CAND2: variants seen among roughly 807,000 people sequenced by gnomAD.
CAND2 encodes the protein cullin associated and neddylation dissociated 2 (putative).
CAND2 carries 62 observed loss-of-function variants against 98.9 expected under a neutral mutation model. The ratio of observed to expected loss-of-function variants is 0.63; its 90% confidence interval spans 0.51 to 0.77. CAND2 has a LOEUF of 0.77. Ranked by LOEUF, CAND2 falls within the 30% of genes least tolerant of loss-of-function variation. The pLI, the probability that CAND2 is intolerant of heterozygous loss-of-function variation, is 0.00. For missense variants in CAND2, 1,501 were observed against 1,655.2 expected (o/e 0.91, Z 1.62); for synonymous variants, 770 against 731.9 (o/e 1.05, Z -0.84).
intron 2 of CAND2, 26 bp from the exon 3 acceptor site, chr3:12,807,280 G>A (rs755375470): frequency 2.8e-5 from 43 of 1,547,458 alleles, no homozygotes; most frequent in African/African-American, 4.1e-5. Context: ...TGTGCCCTTG[G>A]ATTCACCTTC....
chr3:12,806,819 C>T (rs1398722602), intron 2 of CAND2, among the ~76,000 whole-genome samples: 3 of 152,176 alleles, frequency 2.0e-5, no homozygotes, highest in Non-Finnish European at 4.4e-5. Context: ...AGTGGCATTG[C>T]CAATGCTAAC....
At chr3:12,813,938 A>G (rs1255193649) in intron 7 of CAND2, among the ~76,000 whole-genome samples, 1 of 152,224 alleles carries the variant, frequency 6.6e-6, no homozygotes, top group Non-Finnish European at 1.5e-5. Flanking sequence ...CAGGGCAGAG[A>G]TGCCCCTAGG....
At chr3:12,798,782 A>G (rs532307699) in intron 1 of CAND2, among the ~76,000 whole-genome samples, 8 of 152,268 alleles carry the variant, frequency 5.3e-5, no homozygotes, top group African/African-American at 1.4e-4. Flanking sequence ...AATGGTGTCT[A>G]TTTTTAAAGT....
intron 10 of CAND2, among the ~76,000 whole-genome samples, chr3:12,819,489 A>G (rs906671): frequency 0.49 from 74,598 of 151,976 alleles, 18,987 homozygotes; most frequent in East Asian, 0.83. Flanking sequence ...TTCTCTACTC[A>G]GAAAGCAAGC....
At chr3:12,832,952 G>A (rs1001797380) in intron 14 of CAND2, among the ~76,000 whole-genome samples, 3 of 152,226 alleles carry the variant, frequency 2.0e-5, no homozygotes, top group South Asian at 4.1e-4. Context: ...AGAGAAGGGA[G>A]TGTGGACTTG....
chr3:12,802,988 CTTTT>C (rs34041335), intron 1 of CAND2, among the ~76,000 whole-genome samples: 2 of 127,358 alleles, frequency 1.6e-5, no homozygotes, highest in Admixed American at 1.7e-4. Context: ...CCATTAAAAT[CTTTT>C]TTTTTTTTTT....
intron 1 of CAND2, among the ~76,000 whole-genome samples, chr3:12,802,357 G>A (rs1356225542): frequency 2.6e-5 from 4 of 152,146 alleles, no homozygotes; most frequent in Non-Finnish European, 4.4e-5. Context: ...ACAACCTTCT[G>A]GCATCACTTT....
At chr3:12,831,339 G>GAC in intron 13 of CAND2, 126 bp from the exon 14 acceptor site, 2 of 725,774 alleles carry the variant, frequency 2.8e-6, no homozygotes, top group South Asian at 3.1e-5. Flanking sequence ...GACTCTGGCA[G>GAC]GACTTCACGG....
chr3:12,829,289 A>C (rs2062030960), intron 13 of CAND2, among the ~76,000 whole-genome samples: 1 of 152,046 alleles, frequency 6.6e-6, no homozygotes. Flanking sequence ...GGGATTACAG[A>C]TGTGCACCAC....
intron 14 of CAND2, chr3:12,832,607 C>CT (rs767881256): frequency 8.5e-5 from 13 of 152,238 alleles, no homozygotes; most frequent in Non-Finnish European, 1.5e-4. Flanking sequence ...CTACCAAGCT[C>CT]TGACAACCAA....
intron 14 of CAND2, among the ~76,000 whole-genome samples, chr3:12,833,184 T>C (rs1402116524): frequency 6.6e-6 from 1 of 152,102 alleles, no homozygotes; most frequent in Non-Finnish European, 1.5e-5. Flanking sequence ...CCATAAGCAG[T>C]GGAGGAATTA....
chr3:12,816,249 T>C, intron 9 of CAND2, 125 bp from the exon 10 acceptor site: 1 of 1,027,414 alleles, frequency 9.7e-7, no homozygotes, highest in Non-Finnish European at 1.4e-6. Flanking sequence ...TCTTGGAAAC[T>C]TCTGCAGAAG....
At chr3:12,798,744 A>G (rs1303235364) in intron 1 of CAND2, among the ~76,000 whole-genome samples, 2 of 152,188 alleles carry the variant, frequency 1.3e-5, no homozygotes, top group Non-Finnish European at 2.9e-5. Flanking sequence ...GGCCTGGAGA[A>G]CACTTAAAAC....
At chr3:12,797,781 G>C (rs1033639587) in intron 1 of CAND2, among the ~76,000 whole-genome samples, 4 of 152,002 alleles carry the variant, frequency 2.6e-5, no homozygotes, top group Non-Finnish European at 4.4e-5. Flanking sequence ...TCACAGCGAG[G>C]AAGTGGGAGA....
chr3:12,804,105 A>G (rs1319874126), intron 2 of CAND2, among the ~76,000 whole-genome samples: 4 of 152,132 alleles, frequency 2.6e-5, no homozygotes, highest in Non-Finnish European at 5.9e-5. Flanking sequence ...AGCCAGAGAA[A>G]GCCCTCAGAC....
intron 1 of CAND2, among the ~76,000 whole-genome samples, chr3:12,802,861 C>T (rs958561259): frequency 6.6e-6 from 1 of 152,148 alleles, no homozygotes; most frequent in African/African-American, 2.4e-5. Flanking sequence ...GGCTACAAAC[C>T]TGTATTGAGT....
chr3:12,813,062 C>T lies in CAND2; in HGVS notation c.830C>T (p.Ser277Phe), dbSNP rs753336141. Reference sequence around the variant, plus strand: ...CTGGATGATGATGAGCTCCGGGAGTCCTGCCTCCAGGCTTTTGAGGCCTTC... The same window carrying T: ...CTGGATGATGATGAGCTCCGGGAGTTCTGCCTCCAGGCTTTTGAGGCCTTC... Reference protein sequence around the residue: ...CNLDDDELRESCLQAFEAFLR... With the variant: ...CNLDDDELREFCLQAFEAFLR... Residue 277 changes from serine (S) to phenylalanine (F), a missense_variant, in exon 6 of 15, where the codon TCC becomes TTC. Around this residue, in one of 3 missense-constraint regions of CAND2, gnomAD observed 1,427 missense variants for 1,545.3 expected, o/e 0.92. Coordinates refer to ENST00000456430, the MANE Select transcript of CAND2 (RefSeq NM_001162499.2). 3.8e-5 allele frequency: 60 copies of T among 1,582,562 alleles called. No homozygotes were observed. The highest frequency in any genetic ancestry group is 1.9e-4 in the South Asian group (16 of 86,422).
intron 4 of CAND2, among the ~76,000 whole-genome samples, chr3:12,809,713 C>T (rs1482963791): frequency 6.6e-6 from 1 of 151,866 alleles, no homozygotes. Flanking sequence ...CTGGTCTCAG[C>T]GAGGAGGATG....
intron 13 of CAND2, among the ~76,000 whole-genome samples, chr3:12,830,805 C>T (rs1252603595): frequency 1.3e-5 from 2 of 152,190 alleles, no homozygotes; most frequent in South Asian, 2.1e-4. Flanking sequence ...AGTCCAGCAC[C>T]GCTGCTCCTT....
Sources: gnomAD v4.1 joint callset for allele counts (sites outside exome capture counted in the v4.1 genomes callset) on GRCh38, gnomAD v4.1.1 for gene constraint, gnomAD v4.1.1 regional missense constraint, MANE v1.5 for transcripts, NCBI Gene and HGNC (gene_info 2026-07-23, HGNC 2026-07-21) for gene names.